STK33: variants seen among roughly 807,000 people sequenced by gnomAD.
The protein encoded by STK33 is serine/threonine kinase 33.
A neutral mutation model predicts 58.0 loss-of-function variants in STK33; 52 were observed. That is an observed-to-expected ratio of 0.90 (90% CI 0.72 to 1.13). The LOEUF (loss-of-function observed/expected upper bound fraction) is 1.13, where lower values mean the gene tolerates loss of function less well. STK33 is among the 50% of genes most tolerant of loss of function. The pLI, the probability that STK33 is intolerant of heterozygous loss-of-function variation, is 0.00. For synonymous variants in STK33, 215 were observed against 200.1 expected (o/e 1.07, Z -0.63); for missense variants, 630 against 604.2 (o/e 1.04, Z -0.45).
chr11:8,457,635 GA>G (rs1463676696), intron 8 of STK33, among the ~76,000 whole-genome samples, 156 bp from the exon 9 acceptor site: 1 of 152,040 alleles, frequency 6.6e-6, no homozygotes, highest in Non-Finnish European at 1.5e-5. Context: ...GGATACTAGA[GA>G]AACAAAAAGG....
Position 8,439,062 on chromosome 11 carries a change from T to C in STK33, c.947+1616A>G, listed in dbSNP as rs569543714. The stretch of plus-strand genomic sequence containing the variant: ...GAAATGATCTGGAAGAGGCAGTGCA[T>C]AGTGAAATCTTCAATATGACCATAA... On this transcript the variant is annotated intron_variant, in intron 12 of 15. Coordinates refer to ENST00000687296, the MANE Select transcript of STK33 (RefSeq NM_001352389.2). Among the ~76,000 whole-genome samples, 7 of 152,262 alleles carry C rather than the reference T, an allele frequency of 4.6e-5. No homozygotes were observed. In the East Asian group the frequency reaches 9.6e-4, roughly 21 times the overall value.
chr11:8,446,662 C>T (rs918549940), intron 11 of STK33, among the ~76,000 whole-genome samples: 7 of 152,176 alleles, frequency 4.6e-5, no homozygotes, highest in Non-Finnish European at 8.8e-5. Context: ...GAAATAACAC[C>T]ACATATCTAC....
At chr11:8,474,658 G>C in intron 5 of STK33, 23 bp downstream of exon 5, 1 of 1,560,680 alleles carries the variant, frequency 6.4e-7, no homozygotes. Context: ...CTTGTGCTTA[G>C]ATGTGGAATC....
chr11:8,514,559 G>A (rs1952607925), intron 1 of STK33, among the ~76,000 whole-genome samples: 1 of 152,188 alleles, frequency 6.6e-6, no homozygotes, highest in Admixed American at 6.6e-5. Context: ...AGTCCACCAA[G>A]GTTGAGTACC....
At chr11:8,354,528 C>T in the STK33 span, among the ~76,000 whole-genome samples, 1 of 117,594 alleles carries the variant, frequency 8.5e-6, no homozygotes, top group Admixed American at 8.3e-5. Flanking sequence ...CCCTCAGACA[C>T]CCCACATCAT....
At chr11:8,501,630 TC>T (rs1449376717) in intron 1 of STK33, among the ~76,000 whole-genome samples, 1 of 152,134 alleles carries the variant, frequency 6.6e-6, no homozygotes, top group Non-Finnish European at 1.5e-5. Flanking sequence ...AGAAATCAGT[TC>T]GGGATTTCCT....
intron 15 of STK33, among the ~76,000 whole-genome samples, chr11:8,395,603 C>G (rs1849195994): frequency 1.3e-5 from 2 of 152,144 alleles, no homozygotes; most frequent in Non-Finnish European, 2.9e-5. Flanking sequence ...TAATGATTAT[C>G]TTGAAGATCA....
chr11:8,382,018 C>T, the STK33 span, among the ~76,000 whole-genome samples: 1 of 152,060 alleles, frequency 6.6e-6, no homozygotes, highest in Non-Finnish European at 1.5e-5. Flanking sequence ...CAGTATGCAC[C>T]GTGCCTCTCC....
intron 1 of STK33, among the ~76,000 whole-genome samples, chr11:8,519,429 G>C (rs1953164252): frequency 6.6e-6 from 1 of 152,122 alleles, no homozygotes; most frequent in Admixed American, 6.6e-5. Context: ...ACAATTAAAA[G>C]AACTAAAGAA....
intron 1 of STK33, among the ~76,000 whole-genome samples, chr11:8,488,964 A>C (rs1179547240): frequency 6.6e-6 from 1 of 152,210 alleles, no homozygotes; most frequent in Non-Finnish European, 1.5e-5. Flanking sequence ...ACCATGTCTA[A>C]AGAACTAAAA....
the STK33 span, among the ~76,000 whole-genome samples, chr11:8,369,829 G>C: frequency 6.6e-6 from 1 of 152,232 alleles, no homozygotes; most frequent in African/African-American, 2.4e-5. Flanking sequence ...TTGGGGCTGG[G>C]GGCTAGTCTT....
At chr11:8,489,229 C>T (rs1181841951) in intron 1 of STK33, among the ~76,000 whole-genome samples, 1 of 125,194 alleles carries the variant, frequency 8.0e-6, no homozygotes, top group Admixed American at 1.1e-4. Flanking sequence ...TACACTCCAG[C>T]TTGGGTGACA....
intron 1 of STK33, among the ~76,000 whole-genome samples, chr11:8,528,871 G>A (rs1306686868): frequency 6.6e-6 from 1 of 152,152 alleles, no homozygotes; most frequent in Non-Finnish European, 1.5e-5. Context: ...GTTTATTTAA[G>A]GAAATAACAT....
chr11:8,477,906 A>C (rs1466401222), intron 2 of STK33, among the ~76,000 whole-genome samples: 1 of 152,170 alleles, frequency 6.6e-6, no homozygotes, highest in Non-Finnish European at 1.5e-5. Flanking sequence ...TTTGCTCTCC[A>C]GTCTACCAAG....
At chr11:8,367,112 C>T in the STK33 span, among the ~76,000 whole-genome samples, 30 of 152,196 alleles carry the variant, frequency 2.0e-4, no homozygotes, top group African/African-American at 2.2e-4. Flanking sequence ...AGAAAGTATA[C>T]GTTTTGTATA....
chr11:8,543,292 A>G (rs1457518221), intron 1 of STK33, among the ~76,000 whole-genome samples: 3 of 152,238 alleles, frequency 2.0e-5, no homozygotes, highest in Admixed American at 1.3e-4. Flanking sequence ...GAGCTCAAAA[A>G]TATATTTTTA....
At chr11:8,573,238 A>C (rs1360837843) in intron 1 of STK33, among the ~76,000 whole-genome samples, 1 of 152,226 alleles carries the variant, frequency 6.6e-6, no homozygotes, top group Admixed American at 6.5e-5. Context: ...AGAATGTCTA[A>C]AACTCAACCT....
intron 14 of STK33, chr11:8,434,286 T>C (rs1418557909): frequency 1.0e-5 from 2 of 193,896 alleles, no homozygotes; most frequent in African/African-American, 4.8e-5. Context: ...CATATGCTAA[T>C]TTATATTTTA....
At chr11:8,357,957 T>C in the STK33 span, among the ~76,000 whole-genome samples, 1 of 152,222 alleles carries the variant, frequency 6.6e-6, no homozygotes, top group Non-Finnish European at 1.5e-5. Flanking sequence ...CTATCGACTC[T>C]GAAGTTTGGT....
Sources: allele counts gnomAD v4.1 joint callset (sites outside exome capture counted in the v4.1 genomes callset), GRCh38; gene constraint gnomAD v4.1.1; transcripts MANE v1.5; gene names NCBI Gene and HGNC (gene_info 2026-07-23, HGNC 2026-07-21).